NUF2: variants seen among roughly 807,000 people sequenced by gnomAD.
The protein encoded by NUF2 is NUF2 component of NDC80 kinetochore complex.
In NUF2, 34 loss-of-function variants were observed where a neutral mutation model predicts 61.8. The ratio of observed to expected loss-of-function variants is 0.55; its 90% CI spans 0.42 to 0.73. The LOEUF is 0.73. Among genes scored for constraint, NUF2 ranks in the 30% least tolerant of loss-of-function variants. NUF2 has a pLI of 0.00. For synonymous variants in NUF2, 172 were observed against 181.6 expected, an observed-to-expected ratio of 0.95 and a Z score of 0.42; for missense variants, 445 against 539.1, an observed-to-expected ratio of 0.83 and a Z score of 1.73.
In NUF2 at chr1:163,339,469, CA is replaced by C; in HGVS notation, c.604del (p.Thr202ArgfsTer2). On this transcript the variant is annotated frameshift_variant, in exon 8 of 14. Transcript: ENST00000271452. LOFTEE classifies it high-confidence loss of function. Reference sequence around the variant, plus strand: ...ACAATCACTAAATCAGGATTTTCATCAAAAAACGGTATCTGTTGTGAGGCAC... The same window carrying C: ...ACAATCACTAAATCAGGATTTTCATCAAAAACGGTATCTGTTGTGAGGCAC... ...LQQSLNQDFHQKTIVLQEGNS... is the reference protein window; with the variant it reads ...LQQSLNQDFHXKTIVLQEGNS... The C allele has an allele frequency of 1.9e-6, 3 of 1,603,060 alleles. No individual in the cohort carries two copies. Among genetic ancestry groups the C allele is most frequent in the Non-Finnish European group, 2.6e-6 (3 of 1,170,892 alleles).
intron 5 of NUF2, among the ~76,000 whole-genome samples, chr1:163,331,896 A>G (rs1325628088): frequency 6.6e-6 from 1 of 151,894 alleles, no homozygotes; most frequent in Non-Finnish European, 1.5e-5. Context: ...CAGTCTGGTT[A>G]TCAGCTTATC....
At chr1:163,333,540 C>G (rs994512824) in intron 5 of NUF2, among the ~76,000 whole-genome samples, 1 of 151,628 alleles carries the variant, frequency 6.6e-6, no homozygotes, top group African/African-American at 2.4e-5. Context: ...TTATATAATA[C>G]TATATATGAA....
At chr1:163,332,420 G>T (rs2101672246) in intron 5 of NUF2, among the ~76,000 whole-genome samples, 1 of 152,068 alleles carries the variant, frequency 6.6e-6, no homozygotes, top group East Asian at 1.9e-4. Flanking sequence ...TGTTCACTAT[G>T]GTGGCTGTAA....
At chr1:163,328,423 C>G (rs1650497032) in intron 4 of NUF2, 119 bp downstream of exon 4, 1 of 598,756 alleles carries the variant, frequency 1.7e-6, no homozygotes, top group East Asian at 2.9e-5. Context: ...TTCATTTCAT[C>G]CCATATACAT....
intron 11 of NUF2, among the ~76,000 whole-genome samples, chr1:163,347,320 GGGATTAGAA>G (rs1322329752): frequency 1.3e-5 from 2 of 152,212 alleles, no homozygotes; most frequent in Non-Finnish European, 2.9e-5. Context: ...GAGATAAGTA[GGGATTAGAA>G]GGTGAGATTG....
chr1:163,340,480 G>T, intron 9 of NUF2, 54 bp downstream of exon 9: 1 of 1,313,522 alleles, frequency 7.6e-7, no homozygotes, highest in Non-Finnish European at 1.1e-6. Flanking sequence ...TTGTGTGGAG[G>T]AGTATTTTAG....
intron 10 of NUF2, 135 bp from the exon 11 acceptor site, chr1:163,345,543 A>G: frequency 1.4e-6 from 1 of 718,550 alleles, no homozygotes. Flanking sequence ...TTACTGACCT[A>G]GAAATTTAAT....
intron 2 of NUF2, 133 bp downstream of exon 2, chr1:163,326,307 C>A: frequency 2.9e-6 from 2 of 700,270 alleles, no homozygotes; most frequent in Non-Finnish European, 4.6e-6. Context: ...GAGAGAGAAT[C>A]TCTCACCTAG....
chr1:163,339,926 A>G (rs762925507), intron 8 of NUF2, among the ~76,000 whole-genome samples: 16 of 152,102 alleles, frequency 1.1e-4, no homozygotes, highest in Non-Finnish European at 2.1e-4. Flanking sequence ...GGATTTTGGT[A>G]TTTGCTGTGA....
intron 5 of NUF2, among the ~76,000 whole-genome samples, chr1:163,331,370 GAT>G (rs1219760233): frequency 6.6e-6 from 1 of 151,686 alleles, no homozygotes; most frequent in East Asian, 1.9e-4. Context: ...GATTGGTTAT[GAT>G]ATATTTTTAA....
chr1:163,325,631 T>C (rs10917726), intron 1 of NUF2, among the ~76,000 whole-genome samples: 63,199 of 151,946 alleles, frequency 0.42, 13,530 homozygotes, highest in South Asian at 0.59. Flanking sequence ...CTGTTGTTTA[T>C]ATATAGCTTC....
chr1:163,335,036 C>G (rs1160310979), intron 5 of NUF2, among the ~76,000 whole-genome samples: 3 of 152,134 alleles, frequency 2.0e-5, no homozygotes, highest in Non-Finnish European at 4.4e-5. Flanking sequence ...TTACTGCAAC[C>G]TCCGCCTCCC....
intron 2 of NUF2, among the ~76,000 whole-genome samples, chr1:163,326,415 A>AAG (rs1650421409): frequency 6.6e-6 from 1 of 151,464 alleles, no homozygotes; most frequent in South Asian, 2.1e-4. Context: ...AAAAAAAAAA[A>AAG]AGCTTCTAAA....
Position 163,340,408 on chromosome 1 carries a change from A to C in NUF2, c.651A>C (p.Ser217=), listed in dbSNP as rs1180156406. 1.9e-5 allele frequency: 31 copies of C among 1,611,058 alleles called. No homozygotes were observed. Among genetic ancestry groups the C allele is most frequent in the African/African-American group, 2.7e-5 (2 of 74,824 alleles). ...EGNSQKKSNI[S]EKTKRLNELK... is the part of the protein sequence containing the mutation. The stretch of plus-strand genomic sequence containing the variant: ...ATTCCCAAAAGAAGTCAAATATTTC[A>C]GAGAAAACCAAGCGTTTGGTAAACA... Residue 217 remains serine (S), a synonymous_variant, in exon 9 of 14, where the codon TCA becomes TCC. Transcript: ENST00000271452.
intron 8 of NUF2, 29 bp from the exon 9 acceptor site, chr1:163,340,335 T>C: frequency 6.4e-6 from 10 of 1,554,778 alleles, no homozygotes; most frequent in Non-Finnish European, 8.8e-6. Context: ...TTTTGAATCA[T>C]TATAAAACGT....
intron 9 of NUF2, among the ~76,000 whole-genome samples, chr1:163,342,649 C>T (rs1650983818): frequency 6.6e-6 from 1 of 151,994 alleles, no homozygotes; most frequent in East Asian, 1.9e-4. Flanking sequence ...TCTTTACATA[C>T]ACACACCCAC....
chr1:163,355,478 A>C lies in NUF2; in HGVS notation c.*9A>C. On this transcript the variant is annotated 3_prime_UTR_variant, in exon 14 of 14. Transcript: ENST00000271452. The stretch of plus-strand genomic sequence containing the variant: ...TCAAAATGTCAACCTGATTAACAAA[A>C]TTACATGTCTTTTTGTAAATGGCTT... 4 of 1,578,148 alleles carry C rather than the reference A, an allele frequency of 2.5e-6. No individual in the cohort carries two copies. Among genetic ancestry groups the C allele is most frequent in the Non-Finnish European group, 3.4e-6 (4 of 1,165,626 alleles).
At chr1:163,328,764 A>G (rs1192145429) in intron 4 of NUF2, 82 bp from the exon 5 acceptor site, 1 of 871,670 alleles carries the variant, frequency 1.1e-6, no homozygotes, top group Non-Finnish European at 1.9e-6. Context: ...TCTCTTTCTG[A>G]AAATAAGATG....
chr1:163,329,338 C>T (rs1182722376), intron 5 of NUF2, among the ~76,000 whole-genome samples: 5 of 151,950 alleles, frequency 3.3e-5, no homozygotes, highest in African/African-American at 4.8e-5. Context: ...TCCTTAAATT[C>T]GACTTTGATA....
Sources: gnomAD v4.1 joint callset for allele counts (sites outside exome capture counted in the v4.1 genomes callset) on GRCh38, gnomAD v4.1.1 for gene constraint, MANE v1.5 for transcripts, NCBI Gene and HGNC (gene_info 2026-07-23, HGNC 2026-07-21) for gene names.